GALNTL5: variants seen among roughly 807,000 people sequenced by gnomAD.
GALNTL5 encodes the protein inactive polypeptide N-acetylgalactosaminyltransferase-like protein 5.
A neutral mutation model predicts 51.0 loss-of-function variants in GALNTL5; 44 were observed. The observed-to-expected ratio is 0.86, with a 90% confidence interval of 0.68 to 1.11. The LOEUF (loss-of-function observed/expected upper bound fraction) is 1.11. GALNTL5 is among the 50% of genes least tolerant of loss of function. The probability of loss-of-function intolerance (pLI) is 0.00; values close to 1 mark genes in which losing one functional copy is unlikely to be tolerated. For missense variants in GALNTL5, 528 were observed against 531.8 expected, an observed-to-expected ratio of 0.99 and a Z score of 0.07; for synonymous variants, 192 against 182.8, an observed-to-expected ratio of 1.05 and a Z score of -0.41.
intron 4 of GALNTL5, among the ~76,000 whole-genome samples, chr7:151,983,774 A>G (rs1025932888): frequency 6.6e-6 from 1 of 152,210 alleles, no homozygotes; most frequent in Admixed American, 6.5e-5. Context: ...GGAAGGAAAA[A>G]GTGTTTTTGG....
At chr7:151,972,628 C>T (rs1175925413) in intron 3 of GALNTL5, among the ~76,000 whole-genome samples, 3 of 152,206 alleles carry the variant, frequency 2.0e-5, no homozygotes, top group Admixed American at 1.3e-4. Context: ...CCAGCCACTC[C>T]AGCTCCAGCC....
intron 1 of GALNTL5, among the ~76,000 whole-genome samples, chr7:151,961,422 A>G (rs34856794): frequency 0.69 from 104,042 of 151,784 alleles, 35,935 homozygotes; most frequent in African/African-American, 0.76. Context: ...TGGGAGGATC[A>G]CTTGAGCCAG....
rs1016388487 is a variant in GALNTL5, at chr7:151,980,817, C to T, written c.369-2169C>T. ...CTGGAGTGCAGTGGCGGGATCTCGG[C>T]TCACTGCAAGCTCCGCCTCCTGGGT... is the stretch of plus-strand genomic sequence containing the variant. On this transcript the variant is annotated intron_variant, in intron 3 of 8. Transcript: ENST00000392800. 6.3e-5 allele frequency among the ~76,000 whole-genome samples: 8 copies of T among 126,584 alleles called. No homozygotes were observed. The Admixed American group carries it at 7.3e-4, about 12-fold the overall frequency. The allele number at this position is 126,584 out of a possible 152,430, so 83.0% of individuals were successfully genotyped here.
At chr7:151,984,450 C>T (rs757226783) in intron 4 of GALNTL5, among the ~76,000 whole-genome samples, 2 of 152,292 alleles carry the variant, frequency 1.3e-5, no homozygotes, top group South Asian at 4.1e-4. Flanking sequence ...GAAGAACAGG[C>T]AGAGGAAGAA....
At chr7:151,986,335 A>G (rs767338256) in intron 4 of GALNTL5, among the ~76,000 whole-genome samples, 4 of 152,244 alleles carry the variant, frequency 2.6e-5, no homozygotes, top group Non-Finnish European at 4.4e-5. Flanking sequence ...CACTAGAACC[A>G]TAGAATAATA....
At chr7:152,000,809 C>A (rs1156390224) in intron 5 of GALNTL5, among the ~76,000 whole-genome samples, 1 of 152,094 alleles carries the variant, frequency 6.6e-6, no homozygotes, top group Non-Finnish European at 1.5e-5. Flanking sequence ...TATTCTCATA[C>A]AAGTCCTTTA....
At chr7:151,982,494 A>G (rs2081305630) in intron 3 of GALNTL5, among the ~76,000 whole-genome samples, 1 of 152,198 alleles carries the variant, frequency 6.6e-6, no homozygotes, top group Admixed American at 6.5e-5. Flanking sequence ...CATATCTGCT[A>G]TACTTTTTTG....
At chr7:151,998,860 A>G (rs2081535074) in intron 5 of GALNTL5, among the ~76,000 whole-genome samples, 1 of 152,068 alleles carries the variant, frequency 6.6e-6, no homozygotes, top group South Asian at 2.1e-4. Flanking sequence ...GGAAAATTCA[A>G]CCTCACCAGC....
chr7:151,997,810 C>A lies in GALNTL5; in HGVS notation c.659-4904C>A, dbSNP rs865986867. On this transcript the variant is annotated intron_variant, in intron 5 of 8. Transcript: ENST00000392800. ...TTTTTGTTGCAGTTGTTGTTTAATG[C>A]CACTTAAACAATTAGCCATTTGGGA... is the stretch of plus-strand genomic sequence containing the variant. Among the ~76,000 whole-genome samples the A allele has an allele frequency of 4.6e-5, 7 of 152,194 alleles. No individual in the cohort carries two copies. The Middle Eastern group carries it at 0.01, about 222-fold the overall frequency.
At chr7:151,975,074 A>T (rs1314712934) in intron 3 of GALNTL5, among the ~76,000 whole-genome samples, 1 of 152,150 alleles carries the variant, frequency 6.6e-6, no homozygotes, top group African/African-American at 2.4e-5. Context: ...ACTTTTTTTA[A>T]AAAATGTAAT....
chr7:151,988,338 T>C (rs2081386829), intron 5 of GALNTL5, among the ~76,000 whole-genome samples: 1 of 152,158 alleles, frequency 6.6e-6, no homozygotes, highest in African/African-American at 2.4e-5. Context: ...CGATCACGCC[T>C]CCTGCCGCAT....
chr7:151,975,219 G>A (rs1412780611), intron 3 of GALNTL5, among the ~76,000 whole-genome samples: 1 of 152,058 alleles, frequency 6.6e-6, no homozygotes, highest in Non-Finnish European at 1.5e-5. Flanking sequence ...TTTGGTGAGA[G>A]ATTTTTATTC....
intron 1 of GALNTL5, among the ~76,000 whole-genome samples, chr7:151,965,146 C>A (rs1252867303): frequency 1.3e-5 from 2 of 152,188 alleles, no homozygotes; most frequent in African/African-American, 4.8e-5. Flanking sequence ...TTCCCCAAGC[C>A]CAAAGCCATG....
chr7:152,010,547 C>A (rs1036099990), intron 7 of GALNTL5, among the ~76,000 whole-genome samples: 13 of 152,074 alleles, frequency 8.5e-5, no homozygotes, highest in African/African-American at 3.1e-4. Flanking sequence ...GTAGGTGGAT[C>A]ACCTGAGGTC....
At chr7:152,009,778 A>AAGTCTACTCTGATCGCCGAGGGTCTGT in intron 7 of GALNTL5, among the ~76,000 whole-genome samples, 1 of 152,206 alleles carries the variant, frequency 6.6e-6, no homozygotes, top group Non-Finnish European at 1.5e-5. Context: ...TTGGCAGGGC[A>AAGTCTACTCTGATCGCCGAGGGTCTGT]AGTCTACTCT....
chr7:151,991,335 C>T (rs2081426748), intron 5 of GALNTL5, among the ~76,000 whole-genome samples: 1 of 152,150 alleles, frequency 6.6e-6, no homozygotes, highest in African/African-American at 2.4e-5. Flanking sequence ...TCAGGTGATC[C>T]GCCTGCCTCA....
At chr7:152,007,983 G>A (rs2081672365) in intron 7 of GALNTL5, 39 bp downstream of exon 7, 2 of 1,103,512 alleles carry the variant, frequency 1.8e-6, no homozygotes, top group East Asian at 4.7e-5. Context: ...TATAGAGAGT[G>A]AAACCTAACT....
At chr7:151,995,372 T>TCA (rs2081486140) in intron 5 of GALNTL5, 1 of 120,466 alleles carries the variant, frequency 8.3e-6, no homozygotes, top group African/African-American at 4.3e-5. Context: ...TTTTTTTTTT[T>TCA]TTTTTTTTTT....
chr7:151,998,200 C>T (rs2081524864), intron 5 of GALNTL5, among the ~76,000 whole-genome samples: 1 of 152,142 alleles, frequency 6.6e-6, no homozygotes, highest in South Asian at 2.1e-4. Context: ...CAGAGTGAGA[C>T]TGTCTCTGTA....
Sources: gnomAD v4.1 joint callset for allele counts (sites outside exome capture counted in the v4.1 genomes callset) on GRCh38, gnomAD v4.1.1 for gene constraint, MANE v1.5 for transcripts, NCBI Gene and HGNC (gene_info 2026-07-23, HGNC 2026-07-21) for gene names.